SRARP: variants seen among roughly 807,000 people sequenced by gnomAD.
SRARP encodes the protein steroid receptor associated and regulated protein.
In SRARP, 5 loss-of-function variants were observed where a neutral mutation model predicts 3.6. The ratio of observed to expected loss-of-function variants is 1.39; its 90% CI spans 0.73 to 2.93. The LOEUF is 2.93. Among genes scored for constraint, SRARP ranks in the 30% most tolerant of loss-of-function variants. The probability of loss-of-function intolerance (pLI) is 0.00; values close to 1 mark genes in which losing one functional copy is unlikely to be tolerated. For synonymous variants in SRARP, 96 were observed against 91.6 expected (o/e 1.05, Z -0.27); for missense variants, 215 against 216.7 (o/e 0.99, Z 0.05).
At position 16,007,954 on chromosome 1, in the gene SRARP, G is replaced by A. The variant is rs2073139282; in HGVS notation, c.*1608G>A. 1 of 152,208 alleles carries A rather than the reference G, an allele frequency of 6.6e-6. No individual in the cohort carries two copies. The highest frequency in any genetic ancestry group is 2.4e-5 in the African/African-American group (1 of 41,438). 9.4% of individuals were successfully genotyped at this position (152,208 alleles called of 1,614,324 possible). ...AGATTAGAACTCAGGCAAGTCTGGT[G>A]CCCATATTCTTGCTTGTAACTGTAA... On this transcript the variant is annotated 3_prime_UTR_variant, in exon 2 of 2. Transcript: ENST00000329454.
rs376480876 is a variant in SRARP, at chr1:16,004,288, G to A, written c.-16G>A. Reference sequence around the variant, plus strand: ...CTCCTCTCCTGCCAGAGCTAGGCAGGCGCCGAAGTAGCCGCATGGCCCCGT... The same window carrying A: ...CTCCTCTCCTGCCAGAGCTAGGCAGACGCCGAAGTAGCCGCATGGCCCCGT... On this transcript the variant is annotated 5_prime_UTR_variant, in exon 1 of 2. Transcript: ENST00000329454. 2.9e-5 allele frequency: 46 copies of A among 1,582,370 alleles called. No homozygotes were observed. Among genetic ancestry groups the A allele is most frequent in the Non-Finnish European group, 3.6e-5 (42 of 1,162,812 alleles).
At chr1:16,005,347 C>G (rs1411549787) in intron 1 of SRARP, among the ~76,000 whole-genome samples, 1 of 152,160 alleles carries the variant, frequency 6.6e-6, no homozygotes, top group African/African-American at 2.4e-5. Flanking sequence ...CTGCACCAGA[C>G]TCTGCATTTT....
intron 1 of SRARP, among the ~76,000 whole-genome samples, chr1:16,005,059 C>T (rs114066731): frequency 0.011 from 1,645 of 152,178 alleles, 34 homozygotes; most frequent in African/African-American, 0.037. Flanking sequence ...GGGCTCTGAG[C>T]GGGGGGATTG....
chr1:16,004,871 T>C (rs1257109823), intron 1 of SRARP, among the ~76,000 whole-genome samples: 2 of 152,272 alleles, frequency 1.3e-5, no homozygotes, highest in Admixed American at 6.5e-5. Flanking sequence ...TAAGCTTCCT[T>C]CTGAGCCCAC....
Position 16,006,250 on chromosome 1 carries a change from AC to A in SRARP, c.417del (p.Val140Ter). The A allele has an allele frequency of 6.2e-7, 1 of 1,613,934 alleles. No individual in the cohort carries two copies. Among genetic ancestry groups the A allele is most frequent in the Non-Finnish European group, 8.5e-7 (1 of 1,180,020 alleles). ...PQEVPEAKGK[P>X]VKAAPVRSST... ...AGGAGGTTCCCGAGGCTAAGGGGAA[AC>A]CCGTGAAGGCTGCGCCTGTGAGGTC... On this transcript the variant is annotated frameshift_variant, in exon 2 of 2. Coordinates refer to ENST00000329454, the MANE Select transcript of SRARP (RefSeq NM_178840.4). LOFTEE classifies it low-confidence loss of function (END_TRUNC).
intron 1 of SRARP, among the ~76,000 whole-genome samples, chr1:16,005,527 G>C (rs1015047250): frequency 6.6e-6 from 1 of 152,186 alleles, no homozygotes; most frequent in African/African-American, 2.4e-5. Flanking sequence ...CTCTGTTGGT[G>C]TATCAACCAA....
In SRARP at chr1:16,006,338, G is replaced by A. The variant is rs377383094; in HGVS notation, c.502G>A (p.Ala168Thr). The change falls in exon 2 of 2, where the codon GCC (alanine) becomes ACC (threonine). Residue 168 changes from alanine (A) to threonine (T), a missense_variant. Transcript: ENST00000329454. ...KALSSCVCGQAD is the reference protein window; with the variant it reads ...KALSSCVCGQTD ...CCTCTCCTCTTGTGTCTGTGGGCAG[G>A]CCGATTAGCTGGAAGGGCCGGGCTC... 2.5e-6 allele frequency: 4 copies of A among 1,590,100 alleles called. No individual in the cohort carries two copies. Among genetic ancestry groups the A allele is most frequent in the Non-Finnish European group, 3.4e-6 (4 of 1,163,854 alleles).
rs2073129059 is a variant in SRARP, at chr1:16,006,327, T to C, written c.491T>C (p.Val164Ala). The C allele has an allele frequency of 1.3e-6, 2 of 1,594,650 alleles. No individual in the cohort carries two copies. The highest frequency in any genetic ancestry group is 8.6e-7 in the Non-Finnish European group (1 of 1,168,882). Reference protein sequence around the residue: ...KDSLKALSSCVCGQAD With the variant: ...KDSLKALSSCACGQAD The stretch of plus-strand genomic sequence containing the variant: ...TCACTGAAAGCCCTCTCCTCTTGTG[T>C]CTGTGGGCAGGCCGATTAGCTGGAA... The change falls in exon 2 of 2, where the codon GTC becomes GCC. Residue 164 changes from valine (V) to alanine (A), a missense_variant. Val to Ala is a moderately conservative substitution (Grantham distance 64, BLOSUM62 0). Coordinates refer to ENST00000329454, the MANE Select transcript of SRARP (RefSeq NM_178840.4).
rs978675781 is a variant in SRARP, at chr1:16,004,528, C to T, written c.82+143C>T. ...AGGAGTTCGAGACCAGCTTGGCCAA[C>T]ATAGTGAAACCCCATATCTGCTAAA... On this transcript the variant is annotated intron_variant, in intron 1 of 1. Coordinates refer to ENST00000329454, the MANE Select transcript of SRARP (RefSeq NM_178840.4). 120 of 633,986 alleles carry T rather than the reference C, an allele frequency of 1.9e-4. 1 individual carries two copies. In the East Asian group the frequency reaches 4.0e-3, roughly 21 times the overall value. The allele number at this position is 633,986 out of a possible 1,614,324, so 39.3% of individuals were successfully genotyped here.
At position 16,005,543 on chromosome 1, in the gene SRARP, T is replaced by C. The variant is rs542041099; in HGVS notation, c.83-376T>C. Among the ~76,000 whole-genome samples the C allele has an allele frequency of 8.5e-5, 13 of 152,262 alleles. No individual in the cohort carries two copies. The East Asian group carries it at 2.5e-3, about 29-fold the overall frequency. ...TCTGTTGGTGTATCAACCAATCCAG[T>C]TGAACCCTATCGAATGAATAAACAA... On this transcript the variant is annotated intron_variant, in intron 1 of 1. Transcript: ENST00000329454.
intron 1 of SRARP, 82 bp downstream of exon 1, chr1:16,004,467 C>A: frequency 7.7e-7 from 1 of 1,290,728 alleles, no homozygotes; most frequent in South Asian, 1.3e-5. Flanking sequence ...GTAATCCCAG[C>A]ACTTTGGGAG....
Position 16,006,408 on chromosome 1 carries a change from C to T in SRARP, c.*62C>T. On this transcript the variant is annotated 3_prime_UTR_variant, in exon 2 of 2. Transcript: ENST00000329454. Reference sequence around the variant, plus strand: ...TTCCCAGGGCCTGGCCCTGCTTCCCCAGCTAAGCAGGAGTCTTTTGTGCTT... The same window carrying T: ...TTCCCAGGGCCTGGCCCTGCTTCCCTAGCTAAGCAGGAGTCTTTTGTGCTT... The T allele has an allele frequency of 1.4e-6, 2 of 1,456,554 alleles. No homozygotes were observed. Among genetic ancestry groups the T allele is most frequent in the Admixed American group, 4.6e-5 (2 of 43,320 alleles). The allele number at this position is 1,456,554 out of a possible 1,614,324, so 90.2% of individuals were successfully genotyped here. A position where few individuals can be genotyped will look rare whatever the true frequency, so the allele number is the denominator to read the frequency against.
chr1:16,007,279 G>T lies in SRARP; in HGVS notation c.*933G>T, dbSNP rs2073135473. The T allele has an allele frequency of 6.6e-6, 1 of 151,264 alleles. No individual in the cohort carries two copies. The highest frequency in any genetic ancestry group is 1.5e-5 in the Non-Finnish European group (1 of 67,880). The allele number at this position is 151,264 out of a possible 1,614,324, so 9.4% of individuals were successfully genotyped here. ...AAAAAAAAAAAGGTGGGGGGAGGAGGTTCACCCCTCAGGGCAATCGTGTTC... is the reference window on the plus strand; with the variant it reads ...AAAAAAAAAAAGGTGGGGGGAGGAGTTTCACCCCTCAGGGCAATCGTGTTC... On this transcript the variant is annotated 3_prime_UTR_variant, in exon 2 of 2. Coordinates refer to ENST00000329454, the MANE Select transcript of SRARP (RefSeq NM_178840.4).
chr1:16,004,473 G>T, intron 1 of SRARP, 88 bp downstream of exon 1: 1 of 1,234,132 alleles, frequency 8.1e-7, no homozygotes, highest in South Asian at 1.3e-5. Context: ...CCAGCACTTT[G>T]GGAGGCCGAA....
rs369643391 is a variant in SRARP, at chr1:16,006,341, G to A, written c.505G>A (p.Asp169Asn). The change falls in exon 2 of 2, where the codon GAT becomes AAT. Residue 169 changes from aspartate (D) to asparagine (N), a missense_variant. Coordinates refer to ENST00000329454, the MANE Select transcript of SRARP (RefSeq NM_178840.4). ...ALSSCVCGQA[D>N] ...CTCCTCTTGTGTCTGTGGGCAGGCCGATTAGCTGGAAGGGCCGGGCTCTGA... is the reference window on the plus strand; with the variant it reads ...CTCCTCTTGTGTCTGTGGGCAGGCCAATTAGCTGGAAGGGCCGGGCTCTGA... 130 of 1,587,104 alleles carry A rather than the reference G, an allele frequency of 8.2e-5. No individual in the cohort carries two copies. Among genetic ancestry groups the A allele is most frequent in the Non-Finnish European group, 1.1e-4 (125 of 1,162,262 alleles).
rs200845189 is a variant in SRARP at position 16,004,290 on chromosome 1, G to A, written c.-14G>A. On this transcript the variant is annotated 5_prime_UTR_variant, in exon 1 of 2. Coordinates refer to ENST00000329454, the MANE Select transcript of SRARP (RefSeq NM_178840.4). ...CCTCTCCTGCCAGAGCTAGGCAGGC[G>A]CCGAAGTAGCCGCATGGCCCCGTCA... The A allele has an allele frequency of 6.4e-4, 1,009 of 1,584,958 alleles. 6 individuals are homozygous for A. The African/African-American group carries it at 0.012, about 20-fold the overall frequency.
At chr1:16,005,184 T>G (rs2073120047) in intron 1 of SRARP, among the ~76,000 whole-genome samples, 2 of 152,204 alleles carry the variant, frequency 1.3e-5, no homozygotes, top group Non-Finnish European at 2.9e-5. Flanking sequence ...TTGTGCAGGC[T>G]GAGCCTCAGT....
chr1:16,005,889 G>C, intron 1 of SRARP, 30 bp from the exon 2 acceptor site: 1 of 1,512,704 alleles, frequency 6.6e-7, no homozygotes, highest in Admixed American at 2.2e-5. Flanking sequence ...CCCTGCTTGT[G>C]CTAACTTTTG....
intron 1 of SRARP, among the ~76,000 whole-genome samples, chr1:16,005,263 T>C (rs777990980): frequency 9.1e-4 from 139 of 152,044 alleles, no homozygotes; most frequent in Non-Finnish European, 1.8e-3. Context: ...CATAATATGG[T>C]CCATGGACCA....
Sources: allele counts gnomAD v4.1 joint callset (sites outside exome capture counted in the v4.1 genomes callset), GRCh38; gene constraint gnomAD v4.1.1; transcripts MANE v1.5; gene names NCBI Gene and HGNC (gene_info 2026-07-23, HGNC 2026-07-21).